Variants in GOLGA4 observed in about 807,000 individuals in gnomAD.
GOLGA4 encodes golgin A4.
Under a neutral mutation model 265.9 loss-of-function variants are expected in GOLGA4, and 169 were observed. That is an observed-to-expected ratio of 0.64 (90% CI 0.56 to 0.72). The LOEUF is 0.72. GOLGA4 is among the 30% of genes least tolerant of loss of function. The pLI, the probability that GOLGA4 is intolerant of heterozygous loss-of-function variation, is 0.00. For missense variants in GOLGA4, 2,482 were observed against 2,483.4 expected (o/e 1.00, Z 0.01); for synonymous variants, 923 against 855.8 (o/e 1.08, Z -1.37).
In GOLGA4 at chr3:37,286,007, AT is replaced by A; in HGVS notation, c.478-3del. 6.5e-7 allele frequency: 1 copy of A among 1,532,734 alleles called. No individual in the cohort carries two copies. The highest frequency in any genetic ancestry group is 9.0e-7 in the Non-Finnish European group (1 of 1,116,514). 94.9% of individuals were successfully genotyped at this position (1,532,734 alleles called of 1,614,324 possible). Reference sequence around the variant, plus strand: ...AATGACTAATGTTGTTGATGACTATATTTTAGCTTGTTACAGCTTATCAGAT... The same window carrying A: ...AATGACTAATGTTGTTGATGACTATATTTAGCTTGTTACAGCTTATCAGAT... On this transcript the variant is annotated splice_polypyrimidine_tract_variant and splice_region_variant and intron_variant, in intron 3 of 23. Coordinates refer to ENST00000361924, the MANE Select transcript of GOLGA4 (RefSeq NM_002078.5).
At chr3:37,321,660 C>T in intron 12 of GOLGA4, 71 bp from the exon 13 acceptor site, 1 of 1,338,388 alleles carries the variant, frequency 7.5e-7, no homozygotes, top group Non-Finnish European at 1.0e-6. Context: ...ATGAATGATT[C>T]CTGGGGAAGT....
intron 16 of GOLGA4, among the ~76,000 whole-genome samples, chr3:37,332,535 A>T (rs1342697528): frequency 6.6e-6 from 1 of 152,152 alleles, no homozygotes; most frequent in Non-Finnish European, 1.5e-5. Context: ...AAAATTAAAT[A>T]AAATTTTTAA....
chr3:37,258,234 A>G (rs2096759491), intron 2 of GOLGA4, among the ~76,000 whole-genome samples: 1 of 147,254 alleles, frequency 6.8e-6, no homozygotes, highest in Non-Finnish European at 1.5e-5. Flanking sequence ...CTGTATATGT[A>G]TGAGATATAT....
At chr3:37,321,663 G>T (rs1301202049) in intron 12 of GOLGA4, 68 bp from the exon 13 acceptor site, 19 of 1,360,926 alleles carry the variant, frequency 1.4e-5, no homozygotes, top group Non-Finnish European at 1.8e-5. Flanking sequence ...AATGATTCCT[G>T]GGGAAGTACT....
At chr3:37,276,163 C>G (rs1359687013) in intron 2 of GOLGA4, 1 of 1,600,388 alleles carries the variant, frequency 6.2e-7, no homozygotes, top group East Asian at 2.2e-5. Flanking sequence ...CAGGGGATGA[C>G]TACATTGCAA....
At chr3:37,265,425 A>C (rs1161222150) in intron 2 of GOLGA4, among the ~76,000 whole-genome samples, 1 of 152,196 alleles carries the variant, frequency 6.6e-6, no homozygotes, top group African/African-American at 2.4e-5. Context: ...AAATGATTAA[A>C]GTTTTTTATG....
At chr3:37,297,592 C>T (rs1441167841) in intron 7 of GOLGA4, among the ~76,000 whole-genome samples, 1 of 152,140 alleles carries the variant, frequency 6.6e-6, no homozygotes, top group African/African-American at 2.4e-5. Flanking sequence ...GGTTGAACCT[C>T]AAAGAGGTGA....
At chr3:37,268,428 A>G (rs1477197817) in intron 2 of GOLGA4, among the ~76,000 whole-genome samples, 2 of 151,620 alleles carry the variant, frequency 1.3e-5, no homozygotes, top group Non-Finnish European at 2.9e-5. Context: ...TTATATTTTC[A>G]TGTAGTAGTA....
At chr3:37,350,925 A>G (rs2097072027) in intron 21 of GOLGA4, among the ~76,000 whole-genome samples, 1 of 152,130 alleles carries the variant, frequency 6.6e-6, no homozygotes, top group Admixed American at 6.6e-5. Context: ...CTCTATGTTG[A>G]TGGCTCTTGA....
intron 3 of GOLGA4, among the ~76,000 whole-genome samples, chr3:37,282,700 A>C (rs2150772950): frequency 6.6e-6 from 1 of 152,348 alleles, no homozygotes; most frequent in South Asian, 2.1e-4. Flanking sequence ...AAATTGTTTT[A>C]GGTAGCCTGA....
intron 23 of GOLGA4, 99 bp from the exon 24 acceptor site, chr3:37,365,981 A>G: frequency 9.7e-7 from 1 of 1,031,346 alleles, no homozygotes; most frequent in Admixed American, 2.3e-5. Context: ...ATAGAATTTT[A>G]TTTCAAACTT....
At position 37,355,117 on chromosome 3, in the gene GOLGA4, T is replaced by A. The variant is rs140235753; in HGVS notation, c.6593T>A (p.Ile2198Lys). Residue 2198 changes from isoleucine (I) to lysine (K), a missense_variant, in exon 22 of 24, where the codon ATA becomes AAA. Physicochemically the swap from Ile to Lys is moderately radical, Grantham distance 102. Coordinates refer to ENST00000361924, the MANE Select transcript of GOLGA4 (RefSeq NM_002078.5). Reference sequence around the variant, plus strand: ...TTCTTGTAGACCATGGCAAAAGTTATAACCACCGTACTGAAGTTCCCTGAT... The same window carrying A: ...TTCTTGTAGACCATGGCAAAAGTTAAAACCACCGTACTGAAGTTCCCTGAT... ...GRETKTMAKV[I>K]TTVLKFPDDQ... is the part of the protein sequence containing the mutation. The A allele has an allele frequency of 6.2e-7, 1 of 1,602,690 alleles. No homozygotes were observed. The highest frequency in any genetic ancestry group is 1.3e-5 in the African/African-American group (1 of 74,774).
chr3:37,325,742 A>G lies in GOLGA4; in HGVS notation c.3856A>G (p.Asn1286Asp). 6.2e-7 allele frequency: 1 copy of G among 1,613,756 alleles called. No individual in the cohort carries two copies. The highest frequency in any genetic ancestry group is 8.5e-7 in the Non-Finnish European group (1 of 1,179,714). ...ACTTAGACAGTTGACAGAGGAGCAAAATACACTAAATATTTCTTTTCAACA... is the reference window on the plus strand; with the variant it reads ...ACTTAGACAGTTGACAGAGGAGCAAGATACACTAAATATTTCTTTTCAACA... ...AQLRQLTEEQNTLNISFQQAT... is the reference protein window; with the variant it reads ...AQLRQLTEEQDTLNISFQQAT... Residue 1286 changes from asparagine (N) to aspartate (D), a missense_variant, in exon 14 of 24, where the codon AAT becomes GAT. Around this residue, in one of 3 missense-constraint regions of GOLGA4, gnomAD observed 1,536 missense variants for 1,483.7 expected, o/e 1.04. Transcript: ENST00000361924.
chr3:37,340,817 A>G (rs2097031141), intron 20 of GOLGA4, among the ~76,000 whole-genome samples: 1 of 152,168 alleles, frequency 6.6e-6, no homozygotes, highest in South Asian at 2.1e-4. Flanking sequence ...CCATGTGGTT[A>G]ATCTGTTTTT....
Position 37,285,444 on chromosome 3 carries a change from C to T in GOLGA4, c.478-570C>T, listed in dbSNP as rs563749566. Among the ~76,000 whole-genome samples, 5 of 152,324 alleles carry T rather than the reference C, an allele frequency of 3.3e-5. No individual in the cohort carries two copies. In the South Asian group the frequency reaches 1.0e-3, roughly 32 times the overall value. ...AAGGACTTGAATTACCAGTTTTCAT[C>T]TGTTGATTATGAGGTTCTTTGCTCA... On this transcript the variant is annotated intron_variant, in intron 3 of 23. Transcript: ENST00000361924.
intron 21 of GOLGA4, among the ~76,000 whole-genome samples, chr3:37,350,029 C>T (rs1475333783): frequency 6.6e-6 from 1 of 152,110 alleles, no homozygotes; most frequent in Non-Finnish European, 1.5e-5. Flanking sequence ...TGAAATTCAG[C>T]CTGTTCTCCT....
chr3:37,313,253 T>C (rs2096927898), intron 10 of GOLGA4, among the ~76,000 whole-genome samples: 1 of 152,202 alleles, frequency 6.6e-6, no homozygotes, highest in Admixed American at 6.5e-5. Context: ...TTTTAAACTA[T>C]TGAGCAAACT....
chr3:37,295,115 T>A (rs2096874682), intron 6 of GOLGA4, 38 bp downstream of exon 6: 5 of 1,193,074 alleles, frequency 4.2e-6, no homozygotes, highest in Non-Finnish European at 6.0e-6. Context: ...ATTTTTTGGA[T>A]AAAGAAAAAT....
chr3:37,262,996 A>G (rs1578397573), intron 2 of GOLGA4, among the ~76,000 whole-genome samples: 1 of 152,196 alleles, frequency 6.6e-6, no homozygotes, highest in Admixed American at 6.5e-5. Flanking sequence ...CTAGGACTTC[A>G]CCTTCACTCA....
Sources: gnomAD v4.1 joint callset for allele counts (sites outside exome capture counted in the v4.1 genomes callset) on GRCh38, gnomAD v4.1.1 for gene constraint, gnomAD v4.1.1 regional missense constraint, MANE v1.5 for transcripts, NCBI Gene and HGNC (gene_info 2026-07-23, HGNC 2026-07-21) for gene names.